Variants in DENND4A observed in about 807,000 individuals in gnomAD.
DENND4A encodes the protein C-myc promoter-binding protein.
Under a neutral mutation model 199.3 loss-of-function variants are expected in DENND4A, and 70 were observed. That is an observed-to-expected ratio of 0.35 (90% CI 0.29 to 0.43). The LOEUF (loss-of-function observed/expected upper bound fraction) is 0.43. DENND4A is among the 20% of genes least tolerant of loss of function. The pLI is 1.00. For synonymous variants in DENND4A, 686 were observed against 766.9 expected, an observed-to-expected ratio of 0.89 and a Z score of 1.74; for missense variants, 1,723 against 2,255.8, an observed-to-expected ratio of 0.76 and a Z score of 4.78.
chr15:65,784,596 C>G (rs1295364964), intron 1 of DENND4A, among the ~76,000 whole-genome samples: 1 of 152,156 alleles, frequency 6.6e-6, no homozygotes, highest in Non-Finnish European at 1.5e-5. Context: ...CTTAACCAAT[C>G]TGATTTTAGT....
intron 29 of DENND4A, among the ~76,000 whole-genome samples, chr15:65,665,840 G>A (rs913723104): frequency 6.6e-6 from 1 of 152,296 alleles, no homozygotes; most frequent in South Asian, 2.1e-4. Context: ...ATGATGTACT[G>A]AAAATCCGAA....
At chr15:65,746,009 C>T (rs535031482) in intron 4 of DENND4A, among the ~76,000 whole-genome samples, 34 of 151,710 alleles carry the variant, frequency 2.2e-4, no homozygotes, top group Admixed American at 2.2e-3. Flanking sequence ...GATGTGGTGG[C>T]GGGCACCCTT....
Position 65,661,991 on chromosome 15 carries a change from C to A in DENND4A, c.5588-4G>T. ...TTGTACTCTTTATCAAAAGCATCTG[C>A]AGAAATTGATAAAGAAATAAAAGAA... On this transcript the variant is annotated splice_region_variant and splice_polypyrimidine_tract_variant and intron_variant, in intron 32 of 32. Transcript: ENST00000443035. 6.2e-7 allele frequency: 1 copy of A among 1,600,932 alleles called. No individual in the cohort carries two copies. Among genetic ancestry groups the A allele is most frequent in the East Asian group, 2.2e-5 (1 of 44,764 alleles).
chr15:65,696,736 T>C (rs1334260513), intron 21 of DENND4A: 2 of 289,780 alleles, frequency 6.9e-6, no homozygotes, highest in East Asian at 1.5e-4. Context: ...AATTTTATAT[T>C]TCCTCACTGA....
At chr15:65,673,068 G>T (rs888776358) in intron 24 of DENND4A, among the ~76,000 whole-genome samples, 2 of 151,910 alleles carry the variant, frequency 1.3e-5, no homozygotes, top group African/African-American at 2.4e-5. Flanking sequence ...CACCATGTTG[G>T]CCAGGATGGT....
At chr15:65,776,787 T>C (rs2140931629) in intron 1 of DENND4A, among the ~76,000 whole-genome samples, 1 of 152,322 alleles carries the variant, frequency 6.6e-6, no homozygotes, top group East Asian at 1.9e-4. Context: ...TCCATCCACG[T>C]GCAGTGGTGA....
chr15:65,749,844 A>G (rs2076512849), intron 4 of DENND4A, among the ~76,000 whole-genome samples: 2 of 152,312 alleles, frequency 1.3e-5, no homozygotes, highest in South Asian at 4.1e-4. Context: ...GCGTTTTCAG[A>G]ACAATTATTT....
rs750450170 is a variant in DENND4A, at chr15:65,690,371, A to G, written c.4179+44T>C. 32 of 1,507,222 alleles carry G rather than the reference A, an allele frequency of 2.1e-5. 1 individual carries two copies. The East Asian group carries it at 6.1e-4, about 29-fold the overall frequency. The allele number at this position is 1,507,222 out of a possible 1,614,324, so 93.4% of individuals were successfully genotyped here. ...TAAGGGGCTTTTGGTGGTGATGGAT[A>G]TGTGTGTGTGACAGTAAAAGTAGCA... On this transcript the variant is annotated intron_variant, in intron 23 of 32. Coordinates refer to ENST00000443035, the MANE Select transcript of DENND4A (RefSeq NM_001320835.1).
intron 20 of DENND4A, among the ~76,000 whole-genome samples, chr15:65,698,529 C>G (rs1033057987): frequency 6.6e-6 from 1 of 151,920 alleles, no homozygotes; most frequent in African/African-American, 2.4e-5. Context: ...TGTTTATAAA[C>G]TTGTAAAGCA....
intron 4 of DENND4A, among the ~76,000 whole-genome samples, chr15:65,751,754 A>G (rs2076568709): frequency 6.6e-6 from 1 of 152,206 alleles, no homozygotes; most frequent in Non-Finnish European, 1.5e-5. Context: ...CTGAAAAATT[A>G]AAACAAAGTA....
chr15:65,764,442 C>T (rs1000933485), intron 1 of DENND4A, among the ~76,000 whole-genome samples: 17 of 152,042 alleles, frequency 1.1e-4, no homozygotes, highest in Admixed American at 1.3e-4. Context: ...ACCAGCCTAG[C>T]CAACAGGGCG....
chr15:65,709,944 T>C (rs1596491122), intron 14 of DENND4A, among the ~76,000 whole-genome samples: 1 of 151,770 alleles, frequency 6.6e-6, no homozygotes, highest in South Asian at 2.1e-4. Context: ...TTTAGGAAAA[T>C]AGTCTACCTA....
chr15:65,704,253 T>C (rs562236225), intron 15 of DENND4A, among the ~76,000 whole-genome samples: 1 of 152,348 alleles, frequency 6.6e-6, no homozygotes, highest in East Asian at 1.9e-4. Context: ...TCTGTGCTCA[T>C]TAAGGACATT....
Position 65,669,781 on chromosome 15 carries a change from A to G in DENND4A, c.4785T>C (p.Asn1595=). The G allele has an allele frequency of 1.9e-6, 3 of 1,609,662 alleles. No individual in the cohort carries two copies. The highest frequency in any genetic ancestry group is 2.5e-6 in the Non-Finnish European group (3 of 1,176,914). The change falls in exon 27 of 33, where the codon AAT becomes AAC. Residue 1595 remains asparagine (N), a splice_region_variant and synonymous_variant. Transcript: ENST00000443035. ...ALSVQGNFDL[N]SKSKLQENFC... ...TAGTTCCACATAATCATAATTACCT[A>G]TTTAGATCAAAATTCCCTTGAACAG...
chr15:65,702,612 T>C, intron 16 of DENND4A, 101 bp from the exon 17 acceptor site: 3 of 1,067,958 alleles, frequency 2.8e-6, no homozygotes, highest in Non-Finnish European at 4.1e-6. Context: ...TTATAATGTT[T>C]CCATAACAAA....
rs1446267999 is a variant in DENND4A, at chr15:65,662,374, G to A, written c.5588-387C>T. 2.6e-5 allele frequency among the ~76,000 whole-genome samples: 4 copies of A among 151,920 alleles called. 1 individual carries two copies. The South Asian group carries it at 8.3e-4, about 32-fold the overall frequency. On this transcript the variant is annotated intron_variant, in intron 32 of 32. Transcript: ENST00000443035. ...GTTTCATTTTTTAAATTTAAATTTT[G>A]CTTCAACAGAAATTTTTTTTGGTTT...
chr15:65,741,869 G>A, intron 4 of DENND4A, 85 bp from the exon 5 acceptor site: 1 of 1,052,758 alleles, frequency 9.5e-7, no homozygotes, highest in Non-Finnish European at 1.4e-6. Context: ...TCTCTAGTAT[G>A]TATTATCTAA....
chr15:65,664,896 C>A, intron 30 of DENND4A, 174 bp from the exon 31 acceptor site: 5 of 572,840 alleles, frequency 8.7e-6, no homozygotes, highest in African/African-American at 1.9e-5. Flanking sequence ...CAAATAATGA[C>A]AAAAAAAGGT....
At position 65,746,967 on chromosome 15, in the gene DENND4A, G is replaced by A. The variant is rs187531692; in HGVS notation, c.562-5183C>T. On this transcript the variant is annotated intron_variant, in intron 4 of 32. Transcript: ENST00000443035. ...AAAAAAATACAAAAAATGGCCGGGC[G>A]TGGTGGCGCATGCCTGTAATCCCAG... is the stretch of plus-strand genomic sequence containing the variant. 2.4e-3 allele frequency among the ~76,000 whole-genome samples: 371 copies of A among 151,444 alleles called. 1 individual carries two copies. The highest frequency in any genetic ancestry group is 8.6e-3 in the African/African-American group (357 of 41,324).
Sources: gnomAD v4.1 joint callset for allele counts (sites outside exome capture counted in the v4.1 genomes callset) on GRCh38, gnomAD v4.1.1 for gene constraint, MANE v1.5 for transcripts, NCBI Gene and HGNC (gene_info 2026-07-23, HGNC 2026-07-21) for gene names.